The following DLG2 variants were observed in gnomAD, a reference collection of about 807,000 sequenced individuals.
DLG2 encodes the protein disks large homolog 2.
Under a neutral mutation model 132.5 loss-of-function variants are expected in DLG2, and 45 were observed. That is an observed-to-expected ratio of 0.34 (90% CI 0.27 to 0.44). The LOEUF (loss-of-function observed/expected upper bound fraction) is 0.44. Ranked by LOEUF, DLG2 falls within the 20% of genes least tolerant of loss-of-function variation. The probability of loss-of-function intolerance (pLI) is 1.00; values close to 1 mark genes in which losing one functional copy is unlikely to be tolerated. For synonymous variants in DLG2, 424 were observed against 419.6 expected, an observed-to-expected ratio of 1.01 and a Z score of -0.13; for missense variants, 1,045 against 1,196.9, an observed-to-expected ratio of 0.87 and a Z score of 1.87.
At chr11:84,098,052 T>TG (rs59428675) in intron 10 of DLG2, among the ~76,000 whole-genome samples, 2 of 150,190 alleles carry the variant, frequency 1.3e-5, no homozygotes, top group African/African-American at 4.9e-5. Flanking sequence ...TTTTTTTTTT[T>TG]CTTTTTTGCT....
chr11:85,462,889 A>C (rs1325632427), intron 3 of DLG2, among the ~76,000 whole-genome samples: 1 of 152,184 alleles, frequency 6.6e-6, no homozygotes, highest in African/African-American at 2.4e-5. Flanking sequence ...AAATGAGGTC[A>C]GAAAGGTGGG....
At chr11:83,851,332 G>C (rs2059730491) in intron 16 of DLG2, among the ~76,000 whole-genome samples, 1 of 152,044 alleles carries the variant, frequency 6.6e-6, no homozygotes, top group South Asian at 2.1e-4. Context: ...TCCTTATAAG[G>C]AGACAGCCAG....
intron 8 of DLG2, among the ~76,000 whole-genome samples, chr11:84,212,923 A>G (rs1305201151): frequency 1.3e-5 from 2 of 152,164 alleles, no homozygotes; most frequent in African/African-American, 2.4e-5. Flanking sequence ...TCCCTAAAGT[A>G]CTGGGATTAC....
chr11:85,303,673 C>A (rs546454047), intron 3 of DLG2, among the ~76,000 whole-genome samples: 1 of 152,112 alleles, frequency 6.6e-6, no homozygotes, highest in African/African-American at 2.4e-5. Flanking sequence ...TGTCTGTGTG[C>A]GTATGCAGTA....
chr11:84,449,148 T>C, intron 7 of DLG2, among the ~76,000 whole-genome samples: 1 of 151,982 alleles, frequency 6.6e-6, no homozygotes, highest in African/African-American at 2.4e-5. Flanking sequence ...ACCTATAAGC[T>C]GTCACATTTT....
chr11:85,096,606 A>T (rs2152246354), intron 6 of DLG2, among the ~76,000 whole-genome samples: 1 of 152,244 alleles, frequency 6.6e-6, no homozygotes, highest in Admixed American at 6.5e-5. Context: ...AGTCAGCGAG[A>T]CCAAGAACCC....
chr11:84,749,384 C>T (rs1222008719), intron 6 of DLG2, among the ~76,000 whole-genome samples: 2 of 152,138 alleles, frequency 1.3e-5, no homozygotes, highest in Non-Finnish European at 2.9e-5. Flanking sequence ...GCCATAACAA[C>T]GTTTTGGTCA....
intron 3 of DLG2, among the ~76,000 whole-genome samples, chr11:85,459,315 T>C (rs1269636995): frequency 1.3e-5 from 2 of 152,094 alleles, no homozygotes; most frequent in African/African-American, 4.8e-5. Context: ...GCTCTGCTTG[T>C]TGAGGAGTGG....
intron 6 of DLG2, among the ~76,000 whole-genome samples, chr11:84,776,506 C>T (rs1009079288): frequency 2.6e-5 from 4 of 152,050 alleles, no homozygotes; most frequent in Admixed American, 6.6e-5. Flanking sequence ...TACAGGCAAT[C>T]GAGATAGAAC....
At chr11:83,824,253 C>T (rs2051795473) in intron 17 of DLG2, among the ~76,000 whole-genome samples, 1 of 152,140 alleles carries the variant, frequency 6.6e-6, no homozygotes, top group Admixed American at 6.5e-5. Flanking sequence ...ATCCTTCTTA[C>T]TTCCCCAGGC....
intron 6 of DLG2, among the ~76,000 whole-genome samples, chr11:84,906,168 T>C (rs1430506864): frequency 1.3e-5 from 2 of 151,480 alleles, no homozygotes; most frequent in Non-Finnish European, 2.9e-5. Context: ...AACAACAGAG[T>C]TAAGTTCCCT....
At chr11:85,442,443 G>A (rs1390298420) in intron 3 of DLG2, among the ~76,000 whole-genome samples, 1 of 152,150 alleles carries the variant, frequency 6.6e-6, no homozygotes, top group Admixed American at 6.5e-5. Flanking sequence ...TAGACGCGGG[G>A]ATGAAAAGAA....
intron 8 of DLG2, among the ~76,000 whole-genome samples, chr11:84,219,158 G>C (rs1230705243): frequency 6.6e-6 from 1 of 152,134 alleles, no homozygotes; most frequent in African/African-American, 2.4e-5. Context: ...GTTTTAGCTG[G>C]CACAATCCTA....
intron 11 of DLG2, among the ~76,000 whole-genome samples, chr11:84,042,160 G>C (rs1011109443): frequency 4.6e-5 from 7 of 151,908 alleles, no homozygotes; most frequent in African/African-American, 1.4e-4. Flanking sequence ...AAAGATAGAT[G>C]TCCAGTTTTC....
chr11:83,833,840 A>G (rs141144983), intron 16 of DLG2, 70 bp from the exon 17 acceptor site: 8 of 1,478,302 alleles, frequency 5.4e-6, no homozygotes, highest in Non-Finnish European at 7.3e-6. Flanking sequence ...TTTACTTTCA[A>G]TGGGATATAT....
intron 6 of DLG2, among the ~76,000 whole-genome samples, chr11:84,664,246 A>T (rs148920061): frequency 2.6e-3 from 398 of 152,258 alleles, no homozygotes; most frequent in Non-Finnish European, 4.6e-3. Context: ...CCTTTTTAAA[A>T]AGTTTCAAAT....
At chr11:84,108,649 G>A (rs568471438) in intron 9 of DLG2, among the ~76,000 whole-genome samples, 1 of 152,226 alleles carries the variant, frequency 6.6e-6, no homozygotes, top group African/African-American at 2.4e-5. Flanking sequence ...AGAGAAGGTA[G>A]CAGGGGGTCA....
intron 6 of DLG2, among the ~76,000 whole-genome samples, chr11:84,745,179 A>T (rs2065205238): frequency 6.6e-6 from 1 of 152,140 alleles, no homozygotes; most frequent in Non-Finnish European, 1.5e-5. Flanking sequence ...AAGGTTCATG[A>T]TATGGTTTGG....
At chr11:85,535,135 T>G (rs1046705317) in intron 3 of DLG2, among the ~76,000 whole-genome samples, 1 of 152,180 alleles carries the variant, frequency 6.6e-6, no homozygotes, top group Non-Finnish European at 1.5e-5. Flanking sequence ...TTATGACTCA[T>G]AGCAAAGTAT....
Sources: allele counts gnomAD v4.1 joint callset (sites outside exome capture counted in the v4.1 genomes callset), GRCh38; gene constraint gnomAD v4.1.1; transcripts MANE v1.5; gene names NCBI Gene and HGNC (gene_info 2026-07-23, HGNC 2026-07-21).